Variants in NSD1 observed in about 807,000 individuals in gnomAD.
NSD1 encodes the protein histone-lysine N-methyltransferase, H3 lysine-36 specific.
In NSD1, 26 loss-of-function variants were observed where a neutral mutation model predicts 242.7. The observed-to-expected ratio is 0.11, with a 90% confidence interval of 0.08 to 0.15. The LOEUF (loss-of-function observed/expected upper bound fraction) is 0.15. Among genes scored for constraint, NSD1 ranks in the 10% least tolerant of loss-of-function variants. The pLI, the probability that NSD1 is intolerant of heterozygous loss-of-function variation, is 1.00. For synonymous variants in NSD1, 1,106 were observed against 1,178.1 expected, an observed-to-expected ratio of 0.94 and a Z score of 1.25; for missense variants, 2,495 against 3,272.8, an observed-to-expected ratio of 0.76 and a Z score of 5.80.
At chr5:177,227,197 G>A (rs949770411) in intron 5 of NSD1, among the ~76,000 whole-genome samples, 1 of 152,076 alleles carries the variant, frequency 6.6e-6, no homozygotes, top group South Asian at 2.1e-4. Context: ...TTACTATACT[G>A]GTTTTGTAGA....
chr5:177,241,196 C>T (rs982671174), intron 8 of NSD1, among the ~76,000 whole-genome samples: 3 of 151,968 alleles, frequency 2.0e-5, no homozygotes, highest in African/African-American at 7.2e-5. Flanking sequence ...GCACCATTTA[C>T]CAAAAAATTG....
At chr5:177,206,509 A>T (rs1762877840) in intron 4 of NSD1, among the ~76,000 whole-genome samples, 1 of 152,142 alleles carries the variant, frequency 6.6e-6, no homozygotes, top group South Asian at 2.1e-4. Flanking sequence ...CTGCCACTTA[A>T]CACTTGAGTT....
At chr5:177,141,793 C>G (rs182952537) in intron 2 of NSD1, among the ~76,000 whole-genome samples, 98 of 152,270 alleles carry the variant, frequency 6.4e-4, no homozygotes, top group Non-Finnish European at 1.3e-3. Context: ...TAAGCTGCTC[C>G]TCTACCTTGT....
chr5:177,256,458 T>G (rs915626370), intron 12 of NSD1, among the ~76,000 whole-genome samples: 1 of 152,048 alleles, frequency 6.6e-6, no homozygotes, highest in African/African-American at 2.4e-5. Flanking sequence ...AATTTTTGTA[T>G]GTTTAGTAGA....
chr5:177,278,048 C>T (rs532753989), intron 17 of NSD1, among the ~76,000 whole-genome samples: 1 of 152,258 alleles, frequency 6.6e-6, no homozygotes, highest in South Asian at 2.1e-4. Context: ...AAGCCTTATG[C>T]CTTATGGCTT....
At chr5:177,143,946 C>T (rs1176137995) in intron 2 of NSD1, among the ~76,000 whole-genome samples, 4 of 151,798 alleles carry the variant, frequency 2.6e-5, no homozygotes, top group African/African-American at 4.8e-5. Flanking sequence ...CCACCATGCC[C>T]GACTAATTTT....
chr5:177,166,653 T>G (rs1266010608), intron 2 of NSD1, among the ~76,000 whole-genome samples: 1 of 152,086 alleles, frequency 6.6e-6, no homozygotes, highest in African/African-American at 2.4e-5. Flanking sequence ...TTGCCAGATC[T>G]GAAATTATGA....
At chr5:177,241,382 A>G (rs922276881) in intron 8 of NSD1, among the ~76,000 whole-genome samples, 3 of 151,516 alleles carry the variant, frequency 2.0e-5, no homozygotes, top group East Asian at 1.9e-4. Flanking sequence ...GTACCTGCGC[A>G]TAATCCCAGC....
At chr5:177,194,815 C>T (rs1021949442) in intron 3 of NSD1, among the ~76,000 whole-genome samples, 1 of 148,844 alleles carries the variant, frequency 6.7e-6, no homozygotes, top group African/African-American at 2.5e-5. Context: ...CATTCTCCTG[C>T]CTCAGCCTCC....
intron 5 of NSD1, among the ~76,000 whole-genome samples, chr5:177,217,151 C>A (rs1763839219): frequency 6.6e-6 from 1 of 152,032 alleles, no homozygotes; most frequent in African/African-American, 2.4e-5. Flanking sequence ...AACAGGCTAT[C>A]TTTCCATTTA....
intron 14 of NSD1, among the ~76,000 whole-genome samples, chr5:177,263,410 A>T (rs2149923032): frequency 6.6e-6 from 1 of 152,320 alleles, no homozygotes; most frequent in Non-Finnish European, 1.5e-5. Context: ...CAGTCAATGG[A>T]TTGGTAAAAC....
At chr5:177,189,647 G>T (rs1761511082) in intron 2 of NSD1, among the ~76,000 whole-genome samples, 1 of 152,088 alleles carries the variant, frequency 6.6e-6, no homozygotes, top group Non-Finnish European at 1.5e-5. Flanking sequence ...GTAAAATAAT[G>T]GGTAATAATG....
rs1449580605 is a variant in NSD1 at position 177,296,288 on chromosome 5, C to A, written c.*829C>A. The A allele has an allele frequency of 4.3e-6, 1 of 233,542 alleles. No homozygotes were observed. The allele number at this position is 233,542 out of a possible 1,614,324, so 14.5% of individuals were successfully genotyped here. On this transcript the variant is annotated 3_prime_UTR_variant, in exon 23 of 23. Coordinates refer to ENST00000439151, the MANE Select transcript of NSD1 (RefSeq NM_022455.5). ...GAGCAGGTGGTCAGGGGCAGTCGGG[C>A]TCTGTGCGAATGTAGATTTCCAGCA...
intron 2 of NSD1, among the ~76,000 whole-genome samples, chr5:177,161,149 T>C (rs545783308): frequency 6.6e-6 from 1 of 152,136 alleles, no homozygotes; most frequent in East Asian, 1.9e-4. Flanking sequence ...TTTAGGAGAC[T>C]GAGGTGGGAG....
intron 2 of NSD1, among the ~76,000 whole-genome samples, chr5:177,154,127 G>A (rs931152713): frequency 1.3e-5 from 2 of 152,052 alleles, no homozygotes; most frequent in Admixed American, 6.6e-5. Context: ...TATGAGGCCT[G>A]TTCTTTCCCA....
At chr5:177,183,451 AG>A (rs1485577845) in intron 2 of NSD1, among the ~76,000 whole-genome samples, 1 of 152,124 alleles carries the variant, frequency 6.6e-6, no homozygotes, top group Non-Finnish European at 1.5e-5. Flanking sequence ...CTAGGAGTAG[AG>A]TTACTGCATC....
chr5:177,203,161 A>G (rs1762629078), intron 3 of NSD1, among the ~76,000 whole-genome samples: 1 of 152,336 alleles, frequency 6.6e-6, no homozygotes, highest in African/African-American at 2.4e-5. Context: ...GAATTTTCGT[A>G]TAAAATGATT....
At chr5:177,247,846 G>T in intron 10 of NSD1, 2 of 852,248 alleles carry the variant, frequency 2.3e-6, no homozygotes, top group Non-Finnish European at 2.8e-6. Context: ...GCCCAAGAGG[G>T]GCATTATTTA....
At position 177,204,142 on chromosome 5, in the gene NSD1, G is replaced by A. The variant is rs1254350461; in HGVS notation, c.1086G>A (p.Arg362=). 6.2e-7 allele frequency: 1 copy of A among 1,613,948 alleles called. No individual in the cohort carries two copies. The highest frequency in any genetic ancestry group is 8.5e-7 in the Non-Finnish European group (1 of 1,179,970). Residue 362 remains arginine (R), a synonymous_variant, in exon 4 of 23, where the codon CGG becomes CGA. Coordinates refer to ENST00000439151, the MANE Select transcript of NSD1 (RefSeq NM_022455.5). ...TAGTTTCCAACCGGAGGCCCTATCG[G>A]CAGTACTACGTGGAGGCTTTTGGAG... ...KMKVSNRRPY[R]QYYVEAFGDP...
Sources: allele counts gnomAD v4.1 joint callset (sites outside exome capture counted in the v4.1 genomes callset), GRCh38; gene constraint gnomAD v4.1.1; transcripts MANE v1.5; gene names NCBI Gene and HGNC (gene_info 2026-07-23, HGNC 2026-07-21).